The following VPS18 variants were observed in gnomAD, a reference collection of about 807,000 sequenced individuals.
The protein encoded by VPS18 is VPS18 core subunit of CORVET and HOPS complexes, also known as vacuolar protein sorting-associated protein 18 homolog.
VPS18 carries 25 observed loss-of-function variants against 82.0 expected under a neutral mutation model. The ratio of observed to expected loss-of-function variants is 0.30; its 90% CI spans 0.22 to 0.43. The LOEUF is 0.43. VPS18 is among the 20% of genes least tolerant of loss of function. The pLI is 1.00. For synonymous variants in VPS18, 523 were observed against 543.0 expected (o/e 0.96, Z 0.51); for missense variants, 1,168 against 1,311.1 (o/e 0.89, Z 1.69).
Position 40,899,784 on chromosome 15 carries a change from C to A in VPS18, c.966C>A (p.Ala322=). 1 of 1,612,356 alleles carries A rather than the reference C, an allele frequency of 6.2e-7. No homozygotes were observed. The change falls in exon 4 of 5, where the codon GCC becomes GCA. Residue 322 remains alanine, a synonymous_variant. Coordinates refer to ENST00000220509, the MANE Select transcript of VPS18 (RefSeq NM_020857.3). The surrounding 1 kb of genome is among the most constrained non-coding windows in gnomAD (Gnocchi z 4.4). ...ACCCAGAGGGGGTAGGGCCTGGGGC[C>A]AGCCCACCCCTAGCCATCGTCTTGA... ...WEYPEGVGPG[A]SPPLAIVLTQ... is the part of the protein sequence containing the mutation.
rs1243365401 is a variant in VPS18, at chr15:40,900,252, C to G, written c.1434C>G (p.Ala478=). 6.2e-7 allele frequency: 1 copy of G among 1,613,676 alleles called. No homozygotes were observed. The highest frequency in any genetic ancestry group is 8.5e-7 in the Non-Finnish European group (1 of 1,180,038). Residue 478 remains alanine (A), a synonymous_variant, in exon 4 of 5, where the codon GCC becomes GCG. Transcript: ENST00000220509. The surrounding 1 kb of genome is among the most constrained non-coding windows in gnomAD (Gnocchi z 5.4). ...CTGAGTTCCTGCAGCGAAAACTGGCCAGTTTGAAGCCAGCCGAACGTACCC... is the reference window on the plus strand; with the variant it reads ...CTGAGTTCCTGCAGCGAAAACTGGCGAGTTTGAAGCCAGCCGAACGTACCC... The part of the protein sequence containing the change: ...ALAEFLQRKL[A]SLKPAERTQA...
In VPS18 at chr15:40,899,159, T is replaced by C; in HGVS notation, c.341T>C (p.Ile114Thr). 6.2e-7 allele frequency: 1 copy of C among 1,612,906 alleles called. No homozygotes were observed. The highest frequency in any genetic ancestry group is 8.5e-7 in the Non-Finnish European group (1 of 1,179,054). ...FLDHTGSHLLIALSSTEVLYV... is the reference protein window; with the variant it reads ...FLDHTGSHLLTALSSTEVLYV... ...CCCACTCCAGGCTCTCACCTGCTGA[T>C]TGCCCTGAGCAGCACGGAGGTCCTC... is the stretch of plus-strand genomic sequence containing the variant. Residue 114 changes from isoleucine (I) to threonine (T), a missense_variant, in exon 4 of 5, where the codon ATT becomes ACT. By Grantham distance (89) the Ile-to-Thr change is moderately conservative. Around this residue, in one of 3 missense-constraint regions of VPS18, gnomAD observed 868 missense variants for 939.8 expected, o/e 0.92. Transcript: ENST00000220509. This position sits in a 1 kb window ranked among gnomAD's most constrained non-coding sequence, Gnocchi z 4.4.
rs775540063 is a variant in VPS18 at position 40,898,991 on chromosome 15, C to A, written c.318C>A (p.Asp106Glu). 1 of 1,614,060 alleles carries A rather than the reference C, an allele frequency of 6.2e-7. No individual in the cohort carries two copies. The highest frequency in any genetic ancestry group is 8.5e-7 in the Non-Finnish European group (1 of 1,179,994). Residue 106 changes from aspartate (D) to glutamate (E), a missense_variant, in exon 3 of 5, where the codon GAC (aspartate) becomes GAA (glutamate). Physicochemically the swap from Asp to Glu is conservative, Grantham distance 45. This residue lies in a region of VPS18 where 868 missense variants were observed against 939.8 expected (regional missense o/e 0.92). Transcript: ENST00000220509. The stretch of plus-strand genomic sequence containing the variant: ...CAAAAGTTCACAAGATGTTCCTTGA[C>A]CATACTGGTAAGTAACAGTGGAGAT... ...DDAKVHKMFLDHTGSHLLIAL... is the reference protein window; with the variant it reads ...DDAKVHKMFLEHTGSHLLIAL...
In VPS18 at chr15:40,903,129, G is replaced by C; in HGVS notation, c.2710G>C (p.Ala904Pro). Reference protein sequence around the residue: ...RLEELQRKLGAAPPPAKGSAR... With the variant: ...RLEELQRKLGPAPPPAKGSAR... ...GGAGGAGCTGCAGAGGAAGCTGGGGGCTGCTCCACCCCCAGCCAAGGGCTC... is the reference window on the plus strand; with the variant it reads ...GGAGGAGCTGCAGAGGAAGCTGGGGCCTGCTCCACCCCCAGCCAAGGGCTC... Residue 904 changes from alanine (A) to proline (P), a missense_variant, in exon 5 of 5, where the codon GCT (alanine) becomes CCT (proline). By Grantham distance (27) the Ala-to-Pro change is conservative (BLOSUM62 -1). Transcript: ENST00000220509. 7 of 1,610,196 alleles carry C rather than the reference G, an allele frequency of 4.3e-6. No homozygotes were observed. The highest frequency in any genetic ancestry group is 5.9e-6 in the Non-Finnish European group (7 of 1,178,162).
chr15:40,901,620 T>C (rs1202620322), intron 4 of VPS18, among the ~76,000 whole-genome samples: 1 of 148,640 alleles, frequency 6.7e-6, no homozygotes, highest in Admixed American at 6.8e-5. Context: ...AGAAAAATAC[T>C]CGGGGCCGGG....
At position 40,903,350 on chromosome 15, in the gene VPS18, C is replaced by A; in HGVS notation, c.*9C>A. 6.6e-7 allele frequency: 1 copy of A among 1,524,614 alleles called. No individual in the cohort carries two copies. The highest frequency in any genetic ancestry group is 8.8e-7 in the Non-Finnish European group (1 of 1,136,460). 94.4% of individuals were successfully genotyped at this position (1,524,614 alleles called of 1,614,324 possible). ...AGCTCAGTTGGCTGTAGGAGGGTGTCACCTTTGATGGGGGGTGGGCAATGG... is the reference window on the plus strand; with the variant it reads ...AGCTCAGTTGGCTGTAGGAGGGTGTAACCTTTGATGGGGGGTGGGCAATGG... On this transcript the variant is annotated 3_prime_UTR_variant, in exon 5 of 5. Coordinates refer to ENST00000220509, the MANE Select transcript of VPS18 (RefSeq NM_020857.3).
chr15:40,894,781 C>A lies in VPS18; in HGVS notation c.13C>A (p.Leu5Met). The change falls in exon 1 of 5, where the codon CTG (leucine) becomes ATG (methionine). Residue 5 changes from leucine to methionine, a missense_variant. Physicochemically the swap from Leu to Met is conservative, Grantham distance 15. Coordinates refer to ENST00000220509, the MANE Select transcript of VPS18 (RefSeq NM_020857.3). MASI[L>M]DEYENSLSRS... is the part of the protein sequence containing the mutation. ...GAGGCCGGGCACCATGGCGTCCATC[C>A]TGGATGAGTACGAGAACTCGCTGTC... 1 of 1,552,050 alleles carries A rather than the reference C, an allele frequency of 6.4e-7. No homozygotes were observed. Among genetic ancestry groups the A allele is most frequent in the Non-Finnish European group, 8.7e-7 (1 of 1,147,536 alleles).
intron 4 of VPS18, 62 bp downstream of exon 4, chr15:40,901,076 T>C (rs9806730): frequency 0.99 from 1,528,814 of 1,540,586 alleles, 759,175 homozygotes; most frequent in Non-Finnish European, 1. Flanking sequence ...GCTTTAGATG[T>C]GGAAGGGCTT....
At position 40,900,868 on chromosome 15, in the gene VPS18, G is replaced by A. The variant is rs1313288426; in HGVS notation, c.2050G>A (p.Glu684Lys). ...GRPDSLLAYL[E>K]QAGASPHRVH... ...GCCGGACTCACTACTGGCCTATCTG[G>A]AGCAGGCTGGGGCCAGCCCCCACCG... The change falls in exon 4 of 5, where the codon GAG becomes AAG. Residue 684 changes from glutamate (E) to lysine (K), a missense_variant. Physicochemically the swap from Glu to Lys is moderately conservative, Grantham distance 56. Transcript: ENST00000220509. The surrounding 1 kb of genome is among the most constrained non-coding windows in gnomAD (Gnocchi z 5.4). 6.2e-7 allele frequency: 1 copy of A among 1,614,132 alleles called. No homozygotes were observed. The highest frequency in any genetic ancestry group is 1.1e-5 in the South Asian group (1 of 91,086).
Position 40,894,633 on chromosome 15 carries a change from G to A in VPS18, c.-136G>A. The A allele has an allele frequency of 2.7e-6, 2 of 729,860 alleles. No homozygotes were observed. Among genetic ancestry groups the A allele is most frequent in the South Asian group, 4.0e-5 (2 of 49,676 alleles). The allele number at this position is 729,860 out of a possible 1,614,324, so 45.2% of individuals were successfully genotyped here. A position where few individuals can be genotyped will look rare whatever the true frequency, so the allele number is the denominator to read the frequency against. On this transcript the variant is annotated 5_prime_UTR_variant, in exon 1 of 5. Transcript: ENST00000220509. ...AGGATCCTCAGGATTTTAAAGAGGA[G>A]GCGACGGCTGCAGGTTCCCAGGATC...
At position 40,900,167 on chromosome 15, in the gene VPS18, A is replaced by G; in HGVS notation, c.1349A>G (p.Gln450Arg). 6.2e-7 allele frequency: 1 copy of G among 1,613,828 alleles called. No homozygotes were observed. The highest frequency in any genetic ancestry group is 1.3e-5 in the African/African-American group (1 of 75,046). Reference sequence around the variant, plus strand: ...AGCGCACGCTGCTATGCCCTGACCCAGAGCTACTTTGAGGAGATTGCCCTC... The same window carrying G: ...AGCGCACGCTGCTATGCCCTGACCCGGAGCTACTTTGAGGAGATTGCCCTC... ...LESARCYALT[Q>R]SYFEEIALKF... The change falls in exon 4 of 5, where the codon CAG becomes CGG. Residue 450 changes from glutamine (Q) to arginine (R), a missense_variant. Gln to Arg is a conservative substitution (Grantham distance 43). Around this residue, in one of 3 missense-constraint regions of VPS18, gnomAD observed 868 missense variants for 939.8 expected, o/e 0.92. Transcript: ENST00000220509. The surrounding 1 kb of genome is among the most constrained non-coding windows in gnomAD (Gnocchi z 5.4).
rs767064607 is a variant in VPS18, at chr15:40,898,953, C to A, written c.280C>A (p.Arg94Ser). 6.2e-7 allele frequency: 1 copy of A among 1,614,076 alleles called. No individual in the cohort carries two copies. Among genetic ancestry groups the A allele is most frequent in the Non-Finnish European group, 8.5e-7 (1 of 1,180,010 alleles). Residue 94 changes from arginine to serine, a missense_variant, in exon 3 of 5, where the codon CGT becomes AGT. Arg to Ser is a moderately radical substitution (Grantham distance 110). Around this residue, in one of 3 missense-constraint regions of VPS18, gnomAD observed 868 missense variants for 939.8 expected, o/e 0.92. Transcript: ENST00000220509. ...TGAGCCCAACCACGTGGAGCTGGGA[C>A]GTAAGGATGACGCAAAAGTTCACAA... ...ANEPNHVELG[R>S]KDDAKVHKMF...
intron 2 of VPS18, among the ~76,000 whole-genome samples, chr15:40,896,636 C>T (rs1225885005): frequency 2.6e-5 from 4 of 151,380 alleles, no homozygotes; most frequent in East Asian, 3.9e-4. Context: ...CATGGTGAAA[C>T]GCTGTTTCTA....
intron 4 of VPS18, 119 bp downstream of exon 4, chr15:40,901,133 G>C: frequency 9.5e-7 from 1 of 1,054,844 alleles, no homozygotes; most frequent in East Asian, 2.6e-5. Context: ...AGAGAGGGAA[G>C]GTTAAGAGCA....
rs1242086478 is a variant in VPS18 at position 40,898,881 on chromosome 15, A to C, written c.234-26A>C. On this transcript the variant is annotated intron_variant, in intron 2 of 4. Transcript: ENST00000220509. ...CAAAAAAGGATCTTCCCTTCTCTAA[A>C]GTGATGGTGACGCTTGTCCCCACAG... 3.7e-6 allele frequency: 6 copies of C among 1,608,144 alleles called. No individual in the cohort carries two copies. The African/African-American group carries it at 8.0e-5, about 21-fold the overall frequency.
At chr15:40,894,924 GA>G (rs1892202991) in intron 1 of VPS18, 65 bp downstream of exon 1, 3 of 1,482,362 alleles carry the variant, frequency 2.0e-6, no homozygotes, top group Non-Finnish European at 2.7e-6. Context: ...GAGCAGCGAG[GA>G]GGGCAGCTCC....
At position 40,899,213 on chromosome 15, in the gene VPS18, G is replaced by A. The variant is rs763478145; in HGVS notation, c.395G>A (p.Arg132Gln). 13 of 1,614,214 alleles carry A rather than the reference G, an allele frequency of 8.1e-6. No individual in the cohort carries two copies. The highest frequency in any genetic ancestry group is 5.0e-5 in the Admixed American group (3 of 60,030). The change falls in exon 4 of 5, where the codon CGG becomes CAG. Residue 132 changes from arginine to glutamine, a missense_variant. Physicochemically the swap from Arg to Gln is conservative, Grantham distance 43. This residue lies in a region of VPS18 where 868 missense variants were observed against 939.8 expected (regional missense o/e 0.92). Coordinates refer to ENST00000220509, the MANE Select transcript of VPS18 (RefSeq NM_020857.3). The surrounding 1 kb of genome is among the most constrained non-coding windows in gnomAD (Gnocchi z 4.4). Reference protein sequence around the residue: ...LYVNRNGQKVRPLARWKGQLV... With the variant: ...LYVNRNGQKVQPLARWKGQLV... ...GTGAACCGAAATGGACAGAAGGTAC[G>A]GCCACTAGCACGCTGGAAGGGGCAG...
chr15:40,894,493 G>C lies in VPS18; in HGVS notation c.-276G>C. The C allele has an allele frequency of 2.9e-6, 1 of 343,338 alleles. No homozygotes were observed. Among genetic ancestry groups the C allele is most frequent in the East Asian group, 4.5e-5 (1 of 22,192 alleles). The allele number at this position is 343,338 out of a possible 1,614,324, so 21.3% of individuals were successfully genotyped here. Reference sequence around the variant, plus strand: ...GGCGAGGTTGGGATCACCTGGCACCGGCTGAAGGGAGCCTGTGATTTTTTT... The same window carrying C: ...GGCGAGGTTGGGATCACCTGGCACCCGCTGAAGGGAGCCTGTGATTTTTTT... On this transcript the variant is annotated 5_prime_UTR_variant, in exon 1 of 5. Coordinates refer to ENST00000220509, the MANE Select transcript of VPS18 (RefSeq NM_020857.3).
chr15:40,897,658 C>T (rs1016757567), intron 2 of VPS18, among the ~76,000 whole-genome samples: 1 of 152,168 alleles, frequency 6.6e-6, no homozygotes, highest in African/African-American at 2.4e-5. Context: ...AGGAGTACTT[C>T]TCAAGGTTTT....
Sources: allele counts gnomAD v4.1 joint callset (sites outside exome capture counted in the v4.1 genomes callset), GRCh38; gene constraint gnomAD v4.1.1; regional missense constraint gnomAD v4.1.1; non-coding constraint Gnocchi (gnomAD v3.1); transcripts MANE v1.5; gene names NCBI Gene and HGNC (gene_info 2026-07-23, HGNC 2026-07-21).